Variants in CSNK1G2 observed in about 807,000 individuals in gnomAD.
CSNK1G2 encodes the protein casein kinase I isoform gamma-2.
In CSNK1G2, 11 loss-of-function variants were observed where a neutral mutation model predicts 48.0. That is an observed-to-expected ratio of 0.23 (90% CI 0.14 to 0.38). The LOEUF (loss-of-function observed/expected upper bound fraction) is 0.38. Among genes scored for constraint, CSNK1G2 ranks in the 10% least tolerant of loss-of-function variants. CSNK1G2 has a pLI of 1.00. For missense variants in CSNK1G2, 446 were observed against 595.5 expected (o/e 0.75, Z 2.61); for synonymous variants, 337 against 254.1 (o/e 1.33, Z -3.10).
intron 2 of CSNK1G2, among the ~76,000 whole-genome samples, chr19:1,973,892 ATTT>A (rs1197629334): frequency 6.6e-6 from 1 of 151,528 alleles, no homozygotes. Context: ...TTTATTTATT[ATTT>A]ATTATTTTTT....
At chr19:1,961,445 G>T (rs113322769) in intron 1 of CSNK1G2, among the ~76,000 whole-genome samples, 13 of 152,268 alleles carry the variant, frequency 8.5e-5, no homozygotes, top group Non-Finnish European at 1.3e-4. Flanking sequence ...CGCAGGCAGG[G>T]CCCAGCAGCC....
At chr19:1,952,324 C>CTT (rs1043611284) in intron 1 of CSNK1G2, among the ~76,000 whole-genome samples, 8 of 146,528 alleles carry the variant, frequency 5.5e-5, no homozygotes, top group Non-Finnish European at 7.6e-5. Flanking sequence ...ACGTGCTCAA[C>CTT]TTTTTTTTTT....
chr19:1,950,805 G>C (rs931335898), intron 1 of CSNK1G2, among the ~76,000 whole-genome samples: 4 of 146,638 alleles, frequency 2.7e-5, no homozygotes, highest in Non-Finnish European at 6.0e-5. Context: ...GGTGTCACCT[G>C]CTCTGGGGCA....
At chr19:1,953,830 C>A (rs538720833) in intron 1 of CSNK1G2, 11 of 529,250 alleles carry the variant, frequency 2.1e-5, no homozygotes, top group South Asian at 1.5e-4. Context: ...TGTGGCCCTC[C>A]TGTGTTCTTT....
In CSNK1G2 at chr19:1,950,546, G is replaced by C. The variant is rs2014727143; in HGVS notation, c.-266+9128G>C. The stretch of plus-strand genomic sequence containing the variant: ...TTCTTTCACAAACCTCAGATTCCAG[G>C]AGATGAGCACCGTCCGCTTTCCAGA... On this transcript the variant is annotated intron_variant, in intron 1 of 11. Transcript: ENST00000255641. Among the ~76,000 whole-genome samples, 6 of 146,844 alleles carry C rather than the reference G, an allele frequency of 4.1e-5. 2 individuals are homozygous for C. The Admixed American group carries it at 4.1e-4, about 10-fold the overall frequency.
Position 1,962,947 on chromosome 19 carries a change from A to C in CSNK1G2, c.-265-6561A>C, listed in dbSNP as rs116124974. On this transcript the variant is annotated intron_variant, in intron 1 of 11. Coordinates refer to ENST00000255641, the MANE Select transcript of CSNK1G2 (RefSeq NM_001319.7). ...CCCAGATGGCCGTCAGCAGAGGAGG[A>C]GGCGTAGTGTGGCCCTCCATGCACT... Among the ~76,000 whole-genome samples the C allele has an allele frequency of 7.4e-3, 1,120 of 152,230 alleles. 20 individuals carry two copies. The highest frequency in any genetic ancestry group is 0.026 in the African/African-American group (1,080 of 41,524).
chr19:1,976,046 A>G lies in CSNK1G2; in HGVS notation c.188-2259A>G, dbSNP rs763629103. The G allele has an allele frequency of 8.9e-5, 115 of 1,289,136 alleles. No individual in the cohort carries two copies. The Middle Eastern group carries it at 1.9e-3, about 22-fold the overall frequency. 79.9% of individuals were successfully genotyped at this position (1,289,136 alleles called of 1,614,324 possible). On this transcript the variant is annotated intron_variant, in intron 2 of 11. Transcript: ENST00000255641. ...CGAGACTCTGCTCCAAAAAGAAAAA[A>G]ACTTTGAAATCCCTCTAAAAATAAA...
intron 1 of CSNK1G2, among the ~76,000 whole-genome samples, chr19:1,946,294 T>TTTATTTATTTA (rs1273404201): frequency 4.7e-5 from 7 of 148,388 alleles, no homozygotes; most frequent in Admixed American, 6.7e-5. Flanking sequence ...TTATTTTTTA[T>TTTATTTATTTA]TTATTTATTT....
In CSNK1G2 at chr19:1,979,753, C is replaced by CGACCCCCATCGGCA. The variant is rs771587976; in HGVS notation, c.1005_1018dup (p.Thr340ArgfsTer30). The CGACCCCCATCGGCA allele has an allele frequency of 6.2e-7, 1 of 1,605,490 alleles. No individual in the cohort carries two copies. Among genetic ancestry groups the CGACCCCCATCGGCA allele is most frequent in the Non-Finnish European group, 8.5e-7 (1 of 1,179,284 alleles). Reference sequence around the variant, plus strand: ...TGACCCCTGCTCCCTCACCCACAGCCGACCCCCATCGGCACCGTCCACACC... The same window carrying CGACCCCCATCGGCA: ...TGACCCCTGCTCCCTCACCCACAGCCGACCCCCATCGGCAGACCCCCATCGGCACCGTCCACACC... On this transcript the variant is annotated frameshift_variant and splice_region_variant, in exon 10 of 12. Transcript: ENST00000255641. LOFTEE classifies it high-confidence loss of function.
At chr19:1,973,074 C>T (rs1399155135) in intron 2 of CSNK1G2, among the ~76,000 whole-genome samples, 1 of 151,608 alleles carries the variant, frequency 6.6e-6, no homozygotes, top group Non-Finnish European at 1.5e-5. Flanking sequence ...ACTACAGCCG[C>T]CCGCCACCAC....
intron 1 of CSNK1G2, chr19:1,953,104 C>G (rs986821346): frequency 1.5e-5 from 6 of 398,248 alleles, no homozygotes; most frequent in South Asian, 1.1e-4. Flanking sequence ...CCCGTGTCCT[C>G]TCAGATGTAG....
At chr19:1,945,721 C>T (rs904356167) in intron 1 of CSNK1G2, among the ~76,000 whole-genome samples, 1 of 151,440 alleles carries the variant, frequency 6.6e-6, no homozygotes, top group African/African-American at 2.4e-5. Context: ...ACTCGAGAGG[C>T]TGAGGCAGGA....
intron 1 of CSNK1G2, chr19:1,953,605 G>C: frequency 2.3e-6 from 1 of 438,610 alleles, no homozygotes; most frequent in South Asian, 1.7e-5. Context: ...CCGGTGCTGG[G>C]TGAGTGCCAG....
chr19:1,967,489 G>A (rs2015400264), intron 1 of CSNK1G2, among the ~76,000 whole-genome samples: 1 of 150,038 alleles, frequency 6.7e-6, no homozygotes, highest in Non-Finnish European at 1.5e-5. Flanking sequence ...CCTGGGTCAG[G>A]GAGGACCCGG....
intron 2 of CSNK1G2, among the ~76,000 whole-genome samples, chr19:1,973,487 G>A (rs963884462): frequency 2.6e-5 from 4 of 152,264 alleles, no homozygotes; most frequent in African/African-American, 4.8e-5. Flanking sequence ...TGGGATTACA[G>A]GCGTGGGCCA....
intron 1 of CSNK1G2, among the ~76,000 whole-genome samples, chr19:1,949,983 G>T (rs1479039826): frequency 1.3e-5 from 2 of 152,238 alleles, no homozygotes; most frequent in East Asian, 3.8e-4. Context: ...TGTGCTGCCC[G>T]TGACCTTCGC....
intron 1 of CSNK1G2, among the ~76,000 whole-genome samples, chr19:1,947,134 T>A (rs963045710): frequency 2.4e-4 from 37 of 152,196 alleles, no homozygotes; most frequent in Non-Finnish European, 4.4e-5. Context: ...CGTAATTGCC[T>A]TTGGAGGCTT....
At position 1,969,734 on chromosome 19, in the gene CSNK1G2, A is replaced by G. The variant is rs2015499738; in HGVS notation, c.-39A>G. ...TCCAGAGACTTGGGATTTGCACGGC[A>G]GCAGAGTCACCGTGGAGAGGCCAGG... On this transcript the variant is annotated 5_prime_UTR_variant, in exon 2 of 12. Coordinates refer to ENST00000255641, the MANE Select transcript of CSNK1G2 (RefSeq NM_001319.7). The G allele has an allele frequency of 7.9e-7, 1 of 1,257,992 alleles. No individual in the cohort carries two copies. Among genetic ancestry groups the G allele is most frequent in the Admixed American group, 4.0e-5 (1 of 25,074 alleles). 77.9% of individuals were successfully genotyped at this position (1,257,992 alleles called of 1,614,324 possible).
At chr19:1,945,238 CAG>C (rs1255908582) in intron 1 of CSNK1G2, among the ~76,000 whole-genome samples, 1 of 152,248 alleles carries the variant, frequency 6.6e-6, no homozygotes, top group Non-Finnish European at 1.5e-5. Context: ...CCTGGGCCCA[CAG>C]GGGAGCCGCT....
Sources: gnomAD v4.1 joint callset for allele counts (sites outside exome capture counted in the v4.1 genomes callset) on GRCh38, gnomAD v4.1.1 for gene constraint, MANE v1.5 for transcripts, NCBI Gene and HGNC (gene_info 2026-07-23, HGNC 2026-07-21) for gene names.